Variants in CSMD1 observed in about 807,000 individuals in gnomAD.
CSMD1 encodes CUB and Sushi multiple domains 1, also known as CUB and sushi domain-containing protein 1.
In CSMD1, 213 loss-of-function variants were observed where a neutral mutation model predicts 417.5. The ratio of observed to expected loss-of-function variants is 0.51; its 90% CI spans 0.46 to 0.57. The LOEUF is 0.57. Ranked by LOEUF, CSMD1 falls within the 20% of genes least tolerant of loss-of-function variation. The probability of loss-of-function intolerance (pLI) is 0.00; values close to 1 mark genes in which losing one functional copy is unlikely to be tolerated. For missense variants in CSMD1, 6,923 were observed against 4,529.7 expected (o/e 1.53, Z -15.17); for synonymous variants, 2,862 against 1,736.8 (o/e 1.65, Z -16.11).
intron 1 of CSMD1, among the ~76,000 whole-genome samples, chr8:4,747,578 T>C (rs1406094343): frequency 1.3e-5 from 2 of 152,208 alleles, no homozygotes; most frequent in Non-Finnish European, 2.9e-5. Flanking sequence ...TATTGTCACC[T>C]GCTAAATACA....
chr8:3,005,363 T>C (rs186496190), intron 52 of CSMD1, among the ~76,000 whole-genome samples: 1 of 152,024 alleles, frequency 6.6e-6, no homozygotes, highest in East Asian at 1.9e-4. Context: ...ACTGGTACCA[T>C]TCCTTCTGAA....
At chr8:3,583,124 C>T (rs1048861175) in intron 9 of CSMD1, among the ~76,000 whole-genome samples, 27 of 152,080 alleles carry the variant, frequency 1.8e-4, no homozygotes, top group Non-Finnish European at 5.9e-5. Context: ...ATCTTTCCTT[C>T]CTAACAGCCT....
intron 7 of CSMD1, among the ~76,000 whole-genome samples, chr8:3,627,584 C>T (rs79626351): frequency 6.6e-6 from 1 of 152,040 alleles, no homozygotes; most frequent in South Asian, 2.1e-4. Flanking sequence ...GAAAAGGTAA[C>T]AATCTAATAT....
intron 3 of CSMD1, among the ~76,000 whole-genome samples, chr8:4,418,149 G>A (rs1448781417): frequency 6.6e-6 from 1 of 151,332 alleles, no homozygotes; most frequent in African/African-American, 2.4e-5. Context: ...CTTTTAAATA[G>A]AGGTTTGTCT....
chr8:3,279,544 G>T (rs1802573672), intron 26 of CSMD1, among the ~76,000 whole-genome samples: 2 of 152,144 alleles, frequency 1.3e-5, no homozygotes, highest in Admixed American at 1.3e-4. Context: ...GGGATAATTT[G>T]AGAGTTTCTT....
At chr8:4,628,183 T>C (rs1229420090) in intron 2 of CSMD1, among the ~76,000 whole-genome samples, 1 of 151,582 alleles carries the variant, frequency 6.6e-6, no homozygotes, top group Non-Finnish European at 1.5e-5. Context: ...TTAAAATTTT[T>C]CTTGCAGTTC....
At chr8:4,229,404 G>C (rs769578222) in intron 3 of CSMD1, among the ~76,000 whole-genome samples, 24 of 152,168 alleles carry the variant, frequency 1.6e-4, no homozygotes, top group Non-Finnish European at 2.4e-4. Flanking sequence ...TCACAAGCTA[G>C]ATCATACCTA....
At chr8:3,800,951 C>T (rs1402424313) in intron 5 of CSMD1, among the ~76,000 whole-genome samples, 1 of 151,808 alleles carries the variant, frequency 6.6e-6, no homozygotes, top group African/African-American at 2.4e-5. Context: ...CCAAATATTC[C>T]TTTTATCACA....
At chr8:3,453,896 G>C (rs986724224) in intron 12 of CSMD1, among the ~76,000 whole-genome samples, 7 of 152,082 alleles carry the variant, frequency 4.6e-5, no homozygotes, top group Non-Finnish European at 7.4e-5. Flanking sequence ...TGAAATGTCT[G>C]ATGTTGACAG....
intron 51 of CSMD1, among the ~76,000 whole-genome samples, chr8:3,026,448 GACTGGACCTCAGTGGACTTC>G (rs1368949633): frequency 6.7e-6 from 1 of 150,174 alleles, no homozygotes; most frequent in Non-Finnish European, 1.5e-5. Context: ...CACTGGGCCT[GACTGGACCTCAGTGGACTTC>G]ACTGGACCTC....
At chr8:4,667,118 C>T (rs1447468320) in intron 1 of CSMD1, among the ~76,000 whole-genome samples, 1 of 152,014 alleles carries the variant, frequency 6.6e-6, no homozygotes, top group Non-Finnish European at 1.5e-5. Context: ...ATTTTTTCTC[C>T]ATTGTGTTAC....
At chr8:3,915,132 G>A (rs1808727463) in intron 5 of CSMD1, among the ~76,000 whole-genome samples, 1 of 152,078 alleles carries the variant, frequency 6.6e-6, no homozygotes, top group Non-Finnish European at 1.5e-5. Context: ...CAGGTTGGGA[G>A]TAGTAGTTCA....
intron 26 of CSMD1, among the ~76,000 whole-genome samples, chr8:3,236,885 G>C (rs1799184422): frequency 6.6e-6 from 1 of 152,062 alleles, no homozygotes; most frequent in Non-Finnish European, 1.5e-5. Context: ...TGAGTGCCCT[G>C]TTTTCCAGTT....
intron 1 of CSMD1, among the ~76,000 whole-genome samples, chr8:4,809,126 C>G (rs1158746686): frequency 6.6e-6 from 1 of 152,042 alleles, no homozygotes; most frequent in Admixed American, 6.6e-5. Context: ...ATAAAAGGAG[C>G]CATAGCTATT....
intron 6 of CSMD1, among the ~76,000 whole-genome samples, chr8:3,750,914 T>C (rs889207031): frequency 1.3e-5 from 2 of 152,158 alleles, no homozygotes; most frequent in African/African-American, 4.8e-5. Flanking sequence ...ATAATCGTAG[T>C]GCCTTTCTGC....
At chr8:3,121,529 C>T (rs937699359) in intron 41 of CSMD1, among the ~76,000 whole-genome samples, 14 of 152,154 alleles carry the variant, frequency 9.2e-5, no homozygotes, top group South Asian at 2.1e-4. Flanking sequence ...TGGAGGGAAG[C>T]GCTGGGCAGC....
At chr8:3,904,730 G>A (rs2930375) in intron 5 of CSMD1, among the ~76,000 whole-genome samples, 108,920 of 150,066 alleles carry the variant, frequency 0.73, 39,598 homozygotes, top group Middle Eastern at 0.81. Flanking sequence ...TCGGCCTCCC[G>A]GGTTCAAGTG....
intron 3 of CSMD1, among the ~76,000 whole-genome samples, chr8:4,354,233 A>G (rs1280096940): frequency 1.3e-5 from 2 of 152,172 alleles, no homozygotes; most frequent in Non-Finnish European, 2.9e-5. Flanking sequence ...CGATATTTCC[A>G]CCTTACCAAC....
intron 1 of CSMD1, among the ~76,000 whole-genome samples, chr8:4,785,739 A>G (rs949154940): frequency 1.3e-5 from 2 of 152,182 alleles, no homozygotes; most frequent in African/African-American, 4.8e-5. Flanking sequence ...TCTTACTCTC[A>G]GTGCATCATA....
Sources: allele counts gnomAD v4.1 joint callset (sites outside exome capture counted in the v4.1 genomes callset), GRCh38; gene constraint gnomAD v4.1.1; transcripts MANE v1.5; gene names NCBI Gene and HGNC (gene_info 2026-07-23, HGNC 2026-07-21).